SIAH2: variants seen among roughly 807,000 people sequenced by gnomAD.
SIAH2 encodes E3 ubiquitin-protein ligase SIAH2.
Under a neutral mutation model 20.4 loss-of-function variants are expected in SIAH2, and 4 were observed. The ratio of observed to expected loss-of-function variants is 0.20; its 90% CI spans 0.10 to 0.45. The LOEUF is 0.45. SIAH2 is among the 20% of genes least tolerant of loss of function. SIAH2 has a pLI of 0.99. For missense variants in SIAH2, 259 were observed against 440.3 expected (o/e 0.59, Z 3.69); for synonymous variants, 171 against 192.5 (o/e 0.89, Z 0.93).
intron 1 of SIAH2, among the ~76,000 whole-genome samples, chr3:150,747,380 A>C (rs891817597): frequency 1.3e-5 from 2 of 152,150 alleles, no homozygotes; most frequent in Admixed American, 6.5e-5. Flanking sequence ...TGCCCCACAA[A>C]ATGTGAAAAG....
chr3:150,762,555 G>A lies in SIAH2; in HGVS notation c.295C>T (p.Leu99=). The A allele has an allele frequency of 1.9e-6, 3 of 1,613,516 alleles. No individual in the cohort carries two copies. The highest frequency in any genetic ancestry group is 2.5e-6 in the Non-Finnish European group (3 of 1,179,946). Residue 99 remains leucine, a synonymous_variant, in exon 1 of 2, where the codon CTG becomes TTG. Coordinates refer to ENST00000312960, the MANE Select transcript of SIAH2 (RefSeq NM_005067.7). This position sits in a 1 kb window ranked among gnomAD's most constrained non-coding sequence, Gnocchi z 6.6. ...TTCTGGCGGCATTGGTTACACACCA[G>A]GTGCCCGGCCTGGCACTGCAGAATA... The part of the protein sequence containing the change: ...PPILQCQAGH[L]VCNQCRQKLS...
At chr3:150,747,204 T>A (rs1326674301) in intron 1 of SIAH2, among the ~76,000 whole-genome samples, 1 of 152,212 alleles carries the variant, frequency 6.6e-6, no homozygotes, top group Non-Finnish European at 1.5e-5. Context: ...GTTCTAATAT[T>A]AACTTCTTTG....
rs1714095630 is a variant in SIAH2, at chr3:150,741,911, G to A, written c.*230C>T. ...AGGGAGTAAATACAATTCAATAAGAGTTGTTTTAGATCACAGAACAGCATC... is the reference window on the plus strand; with the variant it reads ...AGGGAGTAAATACAATTCAATAAGAATTGTTTTAGATCACAGAACAGCATC... On this transcript the variant is annotated 3_prime_UTR_variant, in exon 2 of 2. Transcript: ENST00000312960. 1.9e-6 allele frequency: 1 copy of A among 532,916 alleles called. No homozygotes were observed. Among genetic ancestry groups the A allele is most frequent in the African/African-American group, 1.9e-5 (1 of 52,292 alleles). The allele number at this position is 532,916 out of a possible 1,614,324, so 33.0% of individuals were successfully genotyped here.
chr3:150,757,420 T>A (rs137951115), intron 1 of SIAH2, among the ~76,000 whole-genome samples: 126 of 152,118 alleles, frequency 8.3e-4, no homozygotes, highest in African/African-American at 2.9e-3. Context: ...AAAATAATAT[T>A]CTCTTGGCAA....
chr3:150,753,376 A>G (rs1359816461), intron 1 of SIAH2, among the ~76,000 whole-genome samples: 1 of 152,228 alleles, frequency 6.6e-6, no homozygotes, highest in Admixed American at 6.5e-5. Flanking sequence ...ACCAGGGAGA[A>G]AAAGCAGGCT....
At chr3:150,747,669 G>A (rs73008907) in intron 1 of SIAH2, among the ~76,000 whole-genome samples, 21,255 of 151,974 alleles carry the variant, frequency 0.14, 2,931 homozygotes, top group East Asian at 0.37. Context: ...GACCGGGCGC[G>A]ATGGCTCACT....
chr3:150,744,084 A>T (rs1714159604), intron 1 of SIAH2, among the ~76,000 whole-genome samples: 1 of 151,946 alleles, frequency 6.6e-6, no homozygotes, highest in African/African-American at 2.4e-5. Context: ...TCCCCCTTTT[A>T]AACTTGAAGT....
intron 1 of SIAH2, among the ~76,000 whole-genome samples, chr3:150,749,060 G>A (rs577319176): frequency 1.2e-4 from 19 of 152,148 alleles, no homozygotes; most frequent in Non-Finnish European, 2.8e-4. Context: ...ACATTCAAAT[G>A]GTTAAAAAAA....
intron 1 of SIAH2, among the ~76,000 whole-genome samples, chr3:150,743,247 T>G (rs1714137106): frequency 6.6e-6 from 1 of 152,262 alleles, no homozygotes; most frequent in South Asian, 2.1e-4. Flanking sequence ...TGCTCTTTGC[T>G]GCTGGCATCA....
At position 150,762,295 on chromosome 3, in the gene SIAH2, G is replaced by A; in HGVS notation, c.417+138C>T. On this transcript the variant is annotated intron_variant, in intron 1 of 1. Coordinates refer to ENST00000312960, the MANE Select transcript of SIAH2 (RefSeq NM_005067.7). The surrounding 1 kb of genome is among the most constrained non-coding windows in gnomAD (Gnocchi z 6.6). ...ACCCAAAGTGGGCTTGAGGGAGGGTGGACGAAGTGTAAACATTTTTTCTTT... is the reference window on the plus strand; with the variant it reads ...ACCCAAAGTGGGCTTGAGGGAGGGTAGACGAAGTGTAAACATTTTTTCTTT... The A allele has an allele frequency of 1.4e-6, 2 of 1,454,260 alleles. No individual in the cohort carries two copies. Among genetic ancestry groups the A allele is most frequent in the South Asian group, 1.4e-5 (1 of 71,284 alleles). 90.1% of individuals were successfully genotyped at this position (1,454,260 alleles called of 1,614,324 possible).
rs5853495 is a variant in SIAH2, at chr3:150,745,240, T to TACACACACACACACACACACAC, written c.418-2564_418-2543dup. 8.5e-5 allele frequency among the ~76,000 whole-genome samples: 12 copies of TACACACACACACACACACACAC among 140,670 alleles called. No individual in the cohort carries two copies. In the East Asian group the frequency reaches 2.6e-3, roughly 30 times the overall value. The allele number at this position is 140,670 out of a possible 152,430, so 92.3% of individuals were successfully genotyped here. A position where few individuals can be genotyped will look rare whatever the true frequency, so the allele number is the denominator to read the frequency against. ...GACTAAAGTCTAAATTTTAACCCCC[T>TACACACACACACACACACACAC]ACACACACACACACACACACACACA... On this transcript the variant is annotated intron_variant, in intron 1 of 1. Transcript: ENST00000312960.
intron 1 of SIAH2, among the ~76,000 whole-genome samples, chr3:150,743,243 T>C (rs555977711): frequency 5.4e-4 from 82 of 152,392 alleles, no homozygotes; most frequent in African/African-American, 1.9e-3. Flanking sequence ...TCCTTGCTCT[T>C]TGCTGCTGGC....
rs551809774 is a variant in SIAH2, at chr3:150,752,537, C to T, written c.418-9839G>A. 9.9e-5 allele frequency among the ~76,000 whole-genome samples: 15 copies of T among 151,976 alleles called. No homozygotes were observed. In the South Asian group the frequency reaches 2.1e-3, roughly 21 times the overall value. On this transcript the variant is annotated intron_variant, in intron 1 of 1. Coordinates refer to ENST00000312960, the MANE Select transcript of SIAH2 (RefSeq NM_005067.7). Reference sequence around the variant, plus strand: ...GGCATGAGAATCACTTGAACCCGGGCGGCAGAGGTTGCAGTGAGCCAAGAT... The same window carrying T: ...GGCATGAGAATCACTTGAACCCGGGTGGCAGAGGTTGCAGTGAGCCAAGAT...
chr3:150,753,083 G>A (rs1430993807), intron 1 of SIAH2, among the ~76,000 whole-genome samples: 1 of 152,210 alleles, frequency 6.6e-6, no homozygotes, highest in African/African-American at 2.4e-5. Context: ...GCAAACCGCT[G>A]CGCACCTTCA....
Position 150,742,641 on chromosome 3 carries a change from C to T in SIAH2, c.475G>A (p.Asp159Asn), listed in dbSNP as rs1278908486. ...GAGTAGGGACGGTATTCACATATGT[C>T]TTCATGTTCTGGTTTCTCCGTATGG... is the stretch of plus-strand genomic sequence containing the variant. ...LHHTEKPEHE[D>N]ICEYRPYSCP... The change falls in exon 2 of 2, where the codon GAC (aspartate) becomes AAC (asparagine). Residue 159 changes from aspartate to asparagine, a missense_variant. Coordinates refer to ENST00000312960, the MANE Select transcript of SIAH2 (RefSeq NM_005067.7). The surrounding 1 kb of genome is among the most constrained non-coding windows in gnomAD (Gnocchi z 4.8). The T allele has an allele frequency of 6.3e-7, 1 of 1,590,282 alleles. No homozygotes were observed. Among genetic ancestry groups the T allele is most frequent in the Non-Finnish European group, 8.6e-7 (1 of 1,166,738 alleles).
intron 1 of SIAH2, among the ~76,000 whole-genome samples, chr3:150,744,933 C>T (rs1714175570): frequency 6.6e-6 from 1 of 152,110 alleles, no homozygotes; most frequent in Non-Finnish European, 1.5e-5. Flanking sequence ...CCTTACAAAT[C>T]ACATATTCAA....
chr3:150,753,974 G>A (rs577551158), intron 1 of SIAH2, among the ~76,000 whole-genome samples: 10 of 152,024 alleles, frequency 6.6e-5, no homozygotes, highest in Non-Finnish European at 1.3e-4. Flanking sequence ...CCACAAATAG[G>A]AGCCTGATTA....
chr3:150,746,850 T>A (rs545188324), intron 1 of SIAH2, among the ~76,000 whole-genome samples: 1 of 152,332 alleles, frequency 6.6e-6, no homozygotes, highest in South Asian at 2.1e-4. Flanking sequence ...CCAGGGCAAC[T>A]CAGGAATGCC....
chr3:150,743,619 A>G (rs1714147351), intron 1 of SIAH2, among the ~76,000 whole-genome samples: 1 of 152,208 alleles, frequency 6.6e-6, no homozygotes, highest in South Asian at 2.1e-4. Flanking sequence ...CACTGCCTTA[A>G]TAGGGTAGGA....
Sources: gnomAD v4.1 joint callset for allele counts (sites outside exome capture counted in the v4.1 genomes callset) on GRCh38, gnomAD v4.1.1 for gene constraint, Gnocchi (gnomAD v3.1) non-coding constraint, MANE v1.5 for transcripts, NCBI Gene and HGNC (gene_info 2026-07-23, HGNC 2026-07-21) for gene names.